The following CAMTA1 variants were observed in gnomAD, a reference collection of about 807,000 sequenced individuals.
The protein encoded by CAMTA1 is calmodulin-binding transcription activator 1.
Under a neutral mutation model 170.9 loss-of-function variants are expected in CAMTA1, and 27 were observed. The observed-to-expected ratio is 0.16, with a 90% CI of 0.12 to 0.22. CAMTA1 has a LOEUF of 0.22. Ranked by LOEUF, CAMTA1 falls within the 10% of genes least tolerant of loss-of-function variation. CAMTA1 has a pLI of 1.00. For synonymous variants in CAMTA1, 833 were observed against 891.5 expected (o/e 0.93, Z 1.17); for missense variants, 1,619 against 2,217.2 (o/e 0.73, Z 5.42).
At chr1:6,976,376 G>A (rs1355301704) in intron 3 of CAMTA1, among the ~76,000 whole-genome samples, 2 of 152,190 alleles carry the variant, frequency 1.3e-5, no homozygotes, top group African/African-American at 4.8e-5. Context: ...GGATTGTGTG[G>A]TGGCTGATGG....
intron 3 of CAMTA1, among the ~76,000 whole-genome samples, chr1:6,869,692 A>G (rs1351238820): frequency 6.6e-6 from 1 of 152,182 alleles, no homozygotes; most frequent in Non-Finnish European, 1.5e-5. Flanking sequence ...GAAATCACCT[A>G]AAATGTTGTT....
intron 4 of CAMTA1, among the ~76,000 whole-genome samples, chr1:7,181,984 A>G (rs1160664633): frequency 5.9e-5 from 9 of 151,530 alleles, no homozygotes; most frequent in Admixed American, 5.2e-4. Flanking sequence ...TTAAAACAGT[A>G]TGGTGAAATT....
At chr1:7,177,795 A>C (rs370535527) in intron 4 of CAMTA1, among the ~76,000 whole-genome samples, 1 of 149,494 alleles carries the variant, frequency 6.7e-6, no homozygotes, top group East Asian at 2.0e-4. Flanking sequence ...CCCTACACAC[A>C]GAGGCTCTTC....
rs778430604 is a variant in CAMTA1 at position 7,664,126 on chromosome 1, G to A, written c.1579G>A (p.Val527Ile). ...PGERSFSFTT[V>I]LTKEIKTEDT... ...GGAGCGGAGCTTCAGCTTTACCACC[G>A]TCCTCACCAAGGAGATCAAGACCGA... The change falls in exon 9 of 23, where the codon GTC becomes ATC. Residue 527 changes from valine to isoleucine, a missense_variant. Val to Ile is a conservative substitution (Grantham distance 29). Around this residue, in one of 8 missense-constraint regions of CAMTA1, gnomAD observed 731 missense variants for 907.6 expected, o/e 0.81. Coordinates refer to ENST00000303635, the MANE Select transcript of CAMTA1 (RefSeq NM_015215.4). 1.5e-5 allele frequency: 24 copies of A among 1,613,196 alleles called. No homozygotes were observed. In the African/African-American group the frequency reaches 1.6e-4, roughly 11 times the overall value.
chr1:7,309,949 A>G (rs902203599), intron 5 of CAMTA1, among the ~76,000 whole-genome samples: 1 of 152,106 alleles, frequency 6.6e-6, no homozygotes, highest in Non-Finnish European at 1.5e-5. Flanking sequence ...ATTTTAAACT[A>G]CTTGAGAATA....
chr1:7,393,129 A>G (rs1481009172), intron 5 of CAMTA1, among the ~76,000 whole-genome samples: 1 of 151,554 alleles, frequency 6.6e-6, no homozygotes, highest in African/African-American at 2.4e-5. Flanking sequence ...AGCTATTCTA[A>G]TAGGTACATA....
At chr1:7,266,380 T>C (rs1191915750) in intron 5 of CAMTA1, among the ~76,000 whole-genome samples, 4 of 152,250 alleles carry the variant, frequency 2.6e-5, no homozygotes, top group Non-Finnish European at 5.9e-5. Context: ...CCCAGAGCCC[T>C]TTCCCTCATA....
intron 8 of CAMTA1, among the ~76,000 whole-genome samples, chr1:7,662,951 C>G (rs1470023761): frequency 6.6e-6 from 1 of 152,190 alleles, no homozygotes. Flanking sequence ...CGTAGCCACT[C>G]TCACCAGGCT....
intron 3 of CAMTA1, among the ~76,000 whole-genome samples, chr1:6,902,038 G>GACAC (rs1571533042): frequency 1.6e-4 from 10 of 64,154 alleles, no homozygotes; most frequent in African/African-American, 5.0e-4. Context: ...AGGTGAGACT[G>GACAC]TCACACACAC....
At chr1:7,461,137 G>A (rs2093077658) in intron 5 of CAMTA1, among the ~76,000 whole-genome samples, 1 of 152,194 alleles carries the variant, frequency 6.6e-6, no homozygotes, top group South Asian at 2.1e-4. Flanking sequence ...GAGAGGGGAG[G>A]GGAGCTCAGG....
chr1:7,670,342 T>G (rs887496862), intron 9 of CAMTA1, among the ~76,000 whole-genome samples: 2 of 152,182 alleles, frequency 1.3e-5, no homozygotes, highest in African/African-American at 4.8e-5. Flanking sequence ...CCTCTGTTTC[T>G]TCATCGGGCT....
intron 5 of CAMTA1, among the ~76,000 whole-genome samples, chr1:7,346,550 A>G (rs1373679152): frequency 6.6e-6 from 1 of 152,238 alleles, no homozygotes; most frequent in Non-Finnish European, 1.5e-5. Flanking sequence ...TCAGCCCATA[A>G]GACTTCCCCC....
chr1:7,475,281 T>C (rs2093402493), intron 6 of CAMTA1, among the ~76,000 whole-genome samples: 1 of 152,174 alleles, frequency 6.6e-6, no homozygotes, highest in African/African-American at 2.4e-5. Flanking sequence ...TACCTGGGCC[T>C]TCTACTGCCA....
At chr1:7,233,924 C>G (rs557295124) in intron 4 of CAMTA1, among the ~76,000 whole-genome samples, 11 of 152,270 alleles carry the variant, frequency 7.2e-5, no homozygotes, top group Admixed American at 7.2e-4. Flanking sequence ...CCCAGCCTCT[C>G]TGTAGGATGC....
At chr1:6,963,715 G>C (rs974936635) in intron 3 of CAMTA1, among the ~76,000 whole-genome samples, 7 of 152,092 alleles carry the variant, frequency 4.6e-5, no homozygotes, top group African/African-American at 1.4e-4. Context: ...TGACCTGGCT[G>C]GGGGGGCGCG....
chr1:7,276,305 T>TATATATATTTA (rs1558345669), intron 5 of CAMTA1, among the ~76,000 whole-genome samples: 1 of 20,162 alleles, frequency 5.0e-5, no homozygotes, highest in African/African-American at 3.7e-4. Context: ...ATATATATAT[T>TATATATATTTA]TTTTTTTTTT....
In CAMTA1 at chr1:7,482,323, A is replaced by G. The variant is rs942146895; in HGVS notation, c.510+14422A>G. ...TATTGGATAGGTGTGAATGGTGTCC[A>G]TCCATCCAGCACCGGGCTTCCTGAG... On this transcript the variant is annotated intron_variant, in intron 6 of 22. Transcript: ENST00000303635. This position sits in a 1 kb window ranked among gnomAD's most constrained non-coding sequence, Gnocchi z 4.2. 6.6e-6 allele frequency among the ~76,000 whole-genome samples: 1 copy of G among 152,138 alleles called. No individual in the cohort carries two copies. Among genetic ancestry groups the G allele is most frequent in the Non-Finnish European group, 1.5e-5 (1 of 68,030 alleles).
rs2095989100 is a variant in CAMTA1 at position 7,664,995 on chromosome 1, G to A, written c.2448G>A (p.Gln816=). ...SEDGARAPFT[Q]AEMCLPCCSP... is the part of the protein sequence containing the mutation. ...ACGGGGCGCGGGCCCCCTTCACCCA[G>A]GCAGAGATGTGCCTCCCCTGCTGTA... The change falls in exon 9 of 23, where the codon CAG becomes CAA. Residue 816 remains glutamine (Q), a synonymous_variant. Transcript: ENST00000303635. 5 of 1,605,978 alleles carry A rather than the reference G, an allele frequency of 3.1e-6. No individual in the cohort carries two copies. Among genetic ancestry groups the A allele is most frequent in the Non-Finnish European group, 4.3e-6 (5 of 1,176,002 alleles).
chr1:7,261,448 A>G (rs2149357199), intron 5 of CAMTA1, among the ~76,000 whole-genome samples: 1 of 152,326 alleles, frequency 6.6e-6, no homozygotes, highest in African/African-American at 2.4e-5. Flanking sequence ...AGTCTTGGAA[A>G]AGACTAAGAG....
Sources: gnomAD v4.1 joint callset for allele counts (sites outside exome capture counted in the v4.1 genomes callset) on GRCh38, gnomAD v4.1.1 for gene constraint, gnomAD v4.1.1 regional missense constraint, Gnocchi (gnomAD v3.1) non-coding constraint, MANE v1.5 for transcripts, NCBI Gene and HGNC (gene_info 2026-07-23, HGNC 2026-07-21) for gene names.